PDE8B: variants seen among roughly 807,000 people sequenced by gnomAD.
The protein encoded by PDE8B is high affinity cAMP-specific and IBMX-insensitive 3',5'-cyclic phosphodiesterase 8B.
In PDE8B, 26 loss-of-function variants were observed where a neutral mutation model predicts 101.3. The observed-to-expected ratio is 0.26, with a 90% confidence interval of 0.19 to 0.36. The LOEUF (loss-of-function observed/expected upper bound fraction) is 0.36. Ranked by LOEUF, PDE8B falls within the 10% of genes least tolerant of loss-of-function variation. PDE8B has a pLI of 1.00. For synonymous variants in PDE8B, 424 were observed against 429.3 expected (o/e 0.99, Z 0.15); for missense variants, 810 against 1,163.1 (o/e 0.70, Z 4.42).
At chr5:77,096,104 C>T in the PDE8B span, among the ~76,000 whole-genome samples, 1 of 152,088 alleles carries the variant, frequency 6.6e-6, no homozygotes, top group African/African-American at 2.4e-5. Flanking sequence ...ATTCTCCCAC[C>T]TCAGACTCCC....
At chr5:77,246,150 C>A (rs1756893121) in intron 1 of PDE8B, among the ~76,000 whole-genome samples, 1 of 152,072 alleles carries the variant, frequency 6.6e-6, no homozygotes, top group Non-Finnish European at 1.5e-5. Context: ...TCATGCCCTG[C>A]CCTATTGTCT....
the PDE8B span, chr5:77,147,609 A>T: frequency 6.6e-6 from 1 of 152,316 alleles, no homozygotes; most frequent in South Asian, 2.1e-4. Context: ...AAGTAAATAC[A>T]ATTTTTTTAT....
At chr5:77,092,867 A>C in the PDE8B span, among the ~76,000 whole-genome samples, 35,285 of 152,136 alleles carry the variant, frequency 0.23, 4,649 homozygotes, top group Admixed American at 0.35. Context: ...CTGCAGTGAG[A>C]CCTGATCACA....
chr5:77,263,546 C>T (rs1173767840), intron 1 of PDE8B, among the ~76,000 whole-genome samples: 1 of 152,176 alleles, frequency 6.6e-6, no homozygotes. Flanking sequence ...ACCCATCCTC[C>T]TGTTTCCTTC....
chr5:77,349,433 C>G lies in PDE8B; in HGVS notation c.891C>G (p.Ala297=), dbSNP rs763794498. The G allele has an allele frequency of 6.2e-7, 1 of 1,614,128 alleles. No homozygotes were observed. The highest frequency in any genetic ancestry group is 8.5e-7 in the Non-Finnish European group (1 of 1,180,014). ...DDHVIQYVNP[A]FERMMGYHKG... ...CCCATTAACAGTATGTCAACCCAGC[C>G]TTCGAAAGGATGATGGGCTACCACA... The change falls in exon 8 of 22, where the codon GCC becomes GCG. Residue 297 remains alanine (A), a synonymous_variant. Transcript: ENST00000264917.
the PDE8B span, among the ~76,000 whole-genome samples, chr5:77,128,457 G>A: frequency 6.6e-6 from 1 of 152,174 alleles, no homozygotes; most frequent in Non-Finnish European, 1.5e-5. Flanking sequence ...AGTAGTAATT[G>A]CCCACCTTTA....
At chr5:77,280,208 G>A (rs912003133) in intron 1 of PDE8B, among the ~76,000 whole-genome samples, 3 of 152,192 alleles carry the variant, frequency 2.0e-5, no homozygotes, top group African/African-American at 7.2e-5. Context: ...GGGATTGGGT[G>A]CCAACCAGGA....
intron 6 of PDE8B, among the ~76,000 whole-genome samples, chr5:77,340,006 G>A (rs1333500530): frequency 6.6e-6 from 1 of 152,134 alleles, no homozygotes; most frequent in African/African-American, 2.4e-5. Context: ...GAGCGTCTAG[G>A]ATAATCTAGA....
At chr5:77,367,038 G>GCCAA (rs1310779652) in intron 10 of PDE8B, among the ~76,000 whole-genome samples, 1 of 152,092 alleles carries the variant, frequency 6.6e-6, no homozygotes, top group African/African-American at 2.4e-5. Context: ...CTTCTATGGG[G>GCCAA]CCAACAGGGT....
the PDE8B span, among the ~76,000 whole-genome samples, chr5:77,096,782 C>T: frequency 6.6e-6 from 1 of 152,228 alleles, no homozygotes; most frequent in South Asian, 2.1e-4. Flanking sequence ...GGCATTGTTC[C>T]TGGGTGTCTA....
intron 10 of PDE8B, among the ~76,000 whole-genome samples, chr5:77,378,553 A>G (rs1786801586): frequency 6.7e-6 from 1 of 150,186 alleles, no homozygotes; most frequent in Admixed American, 6.6e-5. Context: ...CTCAAACTGT[A>G]GTGTGTAATT....
At chr5:77,106,828 C>T in the PDE8B span, among the ~76,000 whole-genome samples, 1 of 151,910 alleles carries the variant, frequency 6.6e-6, no homozygotes, top group Non-Finnish European at 1.5e-5. Flanking sequence ...GTTACATTTA[C>T]CCCAAACTAT....
the PDE8B span, among the ~76,000 whole-genome samples, chr5:77,097,721 A>ATATATATATC: frequency 2.6e-4 from 8 of 30,770 alleles, no homozygotes; most frequent in African/African-American, 4.9e-4. Context: ...ATATATATAT[A>ATATATATATC]TATATATATA....
At chr5:77,264,222 A>G (rs1761213805) in intron 1 of PDE8B, among the ~76,000 whole-genome samples, 1 of 152,268 alleles carries the variant, frequency 6.6e-6, no homozygotes, top group African/African-American at 2.4e-5. Flanking sequence ...AATAATGTTA[A>G]TATGAACAAT....
At chr5:77,219,407 T>C (rs1219107126) in intron 1 of PDE8B, among the ~76,000 whole-genome samples, 2 of 152,178 alleles carry the variant, frequency 1.3e-5, no homozygotes, top group East Asian at 3.9e-4. Context: ...TTGGAAATTT[T>C]TATAGGAAGA....
the PDE8B span, among the ~76,000 whole-genome samples, chr5:77,194,937 G>A: frequency 6.6e-6 from 1 of 152,168 alleles, no homozygotes; most frequent in Non-Finnish European, 1.5e-5. Flanking sequence ...CCTGTTGTCA[G>A]TTCTTTGGGG....
chr5:77,141,694 A>G, the PDE8B span: 1 of 152,188 alleles, frequency 6.6e-6, no homozygotes, highest in Non-Finnish European at 1.5e-5. Flanking sequence ...CTATATACCT[A>G]CCAGGTGGCT....
intron 1 of PDE8B, among the ~76,000 whole-genome samples, chr5:77,231,883 G>A (rs1344545081): frequency 6.6e-6 from 1 of 152,240 alleles, no homozygotes; most frequent in Non-Finnish European, 1.5e-5. Flanking sequence ...TGGGAAAGAA[G>A]TGACTTGACC....
At chr5:77,231,982 G>A (rs1322145904) in intron 1 of PDE8B, among the ~76,000 whole-genome samples, 3 of 152,256 alleles carry the variant, frequency 2.0e-5, no homozygotes, top group African/African-American at 4.8e-5. Flanking sequence ...GCTTGTGCAG[G>A]CTGCACAGAT....
Sources: gnomAD v4.1 joint callset for allele counts (sites outside exome capture counted in the v4.1 genomes callset) on GRCh38, gnomAD v4.1.1 for gene constraint, MANE v1.5 for transcripts, NCBI Gene and HGNC (gene_info 2026-07-23, HGNC 2026-07-21) for gene names.